Variants in HELLS observed in about 807,000 individuals in gnomAD.
The protein encoded by HELLS is helicase, lymphoid specific.
Under a neutral mutation model 120.0 loss-of-function variants are expected in HELLS, and 32 were observed. That is an observed-to-expected ratio of 0.27 (90% confidence interval 0.20 to 0.36). The LOEUF is 0.36. Among genes scored for constraint, HELLS ranks in the 10% least tolerant of loss-of-function variants. HELLS has a pLI of 1.00. For synonymous variants in HELLS, 341 were observed against 323.4 expected (o/e 1.05, Z -0.58); for missense variants, 650 against 993.4 (o/e 0.65, Z 4.65).
At chr10:94,567,284 GT>G (rs1843854006) in intron 6 of HELLS, among the ~76,000 whole-genome samples, 1 of 152,008 alleles carries the variant, frequency 6.6e-6, no homozygotes, top group Admixed American at 6.6e-5. Flanking sequence ...AGATTGCCCT[GT>G]TTTTTATTCT....
exon 10 of HELLS, chr10:94,612,090 CTA>C (rs1436083076): frequency 2.6e-5 from 4 of 152,166 alleles, no homozygotes; most frequent in African/African-American, 9.7e-5. Context: ...AGGTCATTCT[CTA>C]TACCAGTGAA....
exon 10 of HELLS, chr10:94,612,838 A>T (rs1846207693): frequency 6.6e-6 from 1 of 152,194 alleles, no homozygotes; most frequent in African/African-American, 2.4e-5. Flanking sequence ...AGGCATGAGA[A>T]TCACTTGAAC....
chr10:94,575,771 T>TGTG (rs1844431844), intron 9 of HELLS, among the ~76,000 whole-genome samples: 35 of 122,826 alleles, frequency 2.8e-4, no homozygotes, highest in Non-Finnish European at 3.3e-4. Context: ...GGGGTTGTGT[T>TGTG]TGTGTGTGTG....
chr10:94,579,110 T>C (rs1295178525), intron 10 of HELLS, among the ~76,000 whole-genome samples: 1 of 151,954 alleles, frequency 6.6e-6, no homozygotes, highest in African/African-American at 2.4e-5. Context: ...TTCTTTACAG[T>C]AAAAGTAATA....
intron 3 of HELLS, among the ~76,000 whole-genome samples, chr10:94,557,755 A>G (rs984729362): frequency 2.0e-5 from 3 of 152,132 alleles, no homozygotes; most frequent in Admixed American, 6.5e-5. Context: ...TAAGTTTTGG[A>G]TTCTGTCTCC....
At chr10:94,588,882 C>T (rs968065753) in intron 13 of HELLS, among the ~76,000 whole-genome samples, 32 of 152,296 alleles carry the variant, frequency 2.1e-4, no homozygotes, top group African/African-American at 7.7e-4. Flanking sequence ...CACGGTGGCT[C>T]ATGCCTGTTA....
intron 7 of HELLS, among the ~76,000 whole-genome samples, chr10:94,573,518 T>C (rs1258765368): frequency 6.6e-6 from 1 of 152,006 alleles, no homozygotes; most frequent in South Asian, 2.1e-4. Context: ...CAGGCTGGAG[T>C]GCAGTGGCTG....
At chr10:94,584,617 T>A (rs961798802) in intron 12 of HELLS, among the ~76,000 whole-genome samples, 1 of 152,104 alleles carries the variant, frequency 6.6e-6, no homozygotes. Context: ...CAATGAATAT[T>A]TATAGAATTT....
intron 9 of HELLS, among the ~76,000 whole-genome samples, chr10:94,575,773 G>GA (rs1844433699): frequency 7.2e-5 from 1 of 13,862 alleles, no homozygotes; most frequent in Non-Finnish European, 1.5e-4. Context: ...GGTTGTGTTT[G>GA]TGTGTGTGTG....
intron 18 of HELLS, 126 bp downstream of exon 18, chr10:94,593,741 C>T (rs553560803): frequency 3.4e-6 from 2 of 590,030 alleles, no homozygotes; most frequent in East Asian, 6.3e-5. Context: ...CGGCTCACTG[C>T]AACCTTCACC....
intron 2 of HELLS, among the ~76,000 whole-genome samples, chr10:94,549,819 A>G (rs1224064055): frequency 6.6e-6 from 1 of 152,244 alleles, no homozygotes; most frequent in East Asian, 1.9e-4. Flanking sequence ...GAAATACAGA[A>G]GACCAGGTTT....
At chr10:94,592,664 T>C (rs941776901) in intron 17 of HELLS, 150 bp downstream of exon 17, 2 of 471,158 alleles carry the variant, frequency 4.2e-6, no homozygotes, top group Non-Finnish European at 7.0e-6. Flanking sequence ...ACATTTTGAT[T>C]TAGTACTAAG....
chr10:94,578,996 T>C (rs533248507), intron 10 of HELLS, among the ~76,000 whole-genome samples: 1 of 152,132 alleles, frequency 6.6e-6, no homozygotes, highest in Non-Finnish European at 1.5e-5. Context: ...GAGGCTTCCC[T>C]CGCTCACAGC....
chr10:94,567,022 C>A (rs1843834331), intron 6 of HELLS, among the ~76,000 whole-genome samples: 1 of 152,160 alleles, frequency 6.6e-6, no homozygotes, highest in South Asian at 2.1e-4. Context: ...TTCCTGCTCT[C>A]TTTTCCTCTT....
chr10:94,556,156 C>T (rs573010404), intron 3 of HELLS, among the ~76,000 whole-genome samples: 71 of 152,198 alleles, frequency 4.7e-4, no homozygotes, highest in African/African-American at 1.6e-3. Flanking sequence ...GCTTTCACCC[C>T]GTAGATAGTG....
chr10:94,565,019 C>T (rs1363392066), intron 6 of HELLS, among the ~76,000 whole-genome samples: 3 of 152,128 alleles, frequency 2.0e-5, no homozygotes, highest in African/African-American at 7.2e-5. Flanking sequence ...TCTAGGGATG[C>T]AATGATAGTT....
intron 10 of HELLS, among the ~76,000 whole-genome samples, chr10:94,578,070 C>CAAA (rs58732872): frequency 8.2e-5 from 5 of 60,830 alleles, no homozygotes; most frequent in African/African-American, 1.1e-4. Flanking sequence ...GACTCCGTCT[C>CAAA]AAAAAAAAAA....
At chr10:94,598,453 C>G (rs1845848774) in intron 21 of HELLS, among the ~76,000 whole-genome samples, 1 of 152,134 alleles carries the variant, frequency 6.6e-6, no homozygotes, top group African/African-American at 2.4e-5. Flanking sequence ...AGCCATTGTG[C>G]CTCAGTTTTT....
intron 2 of HELLS, among the ~76,000 whole-genome samples, chr10:94,552,321 G>A (rs942329615): frequency 6.6e-6 from 1 of 152,176 alleles, no homozygotes; most frequent in African/African-American, 2.4e-5. Context: ...TAACTTAAGT[G>A]TGATTTTTAG....
Sources: allele counts gnomAD v4.1 joint callset (sites outside exome capture counted in the v4.1 genomes callset), GRCh38; gene constraint gnomAD v4.1.1; transcripts MANE v1.5; gene names NCBI Gene and HGNC (gene_info 2026-07-23, HGNC 2026-07-21).